The following ADAM29 variants were observed in gnomAD, a reference collection of about 807,000 sequenced individuals.
ADAM29 encodes the protein ADAM metallopeptidase domain 29, also known as disintegrin and metalloproteinase domain-containing protein 29.
For missense variants in ADAM29, 969 were observed against 1,001.8 expected, an observed-to-expected ratio of 0.97 and a Z score of 0.44; for synonymous variants, 367 against 342.3, an observed-to-expected ratio of 1.07 and a Z score of -0.80.
chr4:174,932,432 G>A (rs533965192), intron 3 of ADAM29, among the ~76,000 whole-genome samples: 4 of 152,124 alleles, frequency 2.6e-5, no homozygotes, highest in African/African-American at 9.6e-5. Flanking sequence ...AGTCTATTTG[G>A]GCTGCTATAA....
intron 4 of ADAM29, among the ~76,000 whole-genome samples, chr4:174,972,963 G>A (rs1746551961): frequency 6.6e-6 from 1 of 152,138 alleles, no homozygotes; most frequent in Non-Finnish European, 1.5e-5. Flanking sequence ...TCTAGACTGT[G>A]CCAGACCCAT....
Position 174,975,819 on chromosome 4 carries a change from T to G in ADAM29, c.294T>G (p.Asn98Lys), listed in dbSNP as rs766987618. Residue 98 changes from asparagine to lysine, a missense_variant, in exon 5 of 5, where the codon AAT becomes AAG. Coordinates refer to ENST00000359240, the MANE Select transcript of ADAM29 (RefSeq NM_014269.4). ...TTGAGGACCAGCCATTTGTCCAGAA[T>G]AACTGCTACTATCATGGTTATGTGG... Reference protein sequence around the residue: ...AILEDQPFVQNNCYYHGYVEG... With the variant: ...AILEDQPFVQKNCYYHGYVEG... 1.9e-6 allele frequency: 3 copies of G among 1,614,080 alleles called. No homozygotes were observed. The highest frequency in any genetic ancestry group is 1.3e-5 in the African/African-American group (1 of 74,946).
At chr4:174,937,091 T>A (rs1282605517) in intron 4 of ADAM29, 78 bp downstream of exon 4, 2 of 152,012 alleles carry the variant, frequency 1.3e-5, no homozygotes, top group African/African-American at 4.8e-5. Context: ...ACATTTTAAA[T>A]AGATGCCGTG....
At position 174,978,175 on chromosome 4, in the gene ADAM29, C is replaced by T; in HGVS notation, c.*187C>T. 1.0e-6 allele frequency: 1 copy of T among 957,838 alleles called. No homozygotes were observed. Among genetic ancestry groups the T allele is most frequent in the South Asian group, 1.8e-5 (1 of 54,960 alleles). The allele number at this position is 957,838 out of a possible 1,614,324, so 59.3% of individuals were successfully genotyped here. A position where few individuals can be genotyped will look rare whatever the true frequency, so the allele number is the denominator to read the frequency against. On this transcript the variant is annotated 3_prime_UTR_variant, in exon 5 of 5. Transcript: ENST00000359240. ...AAAAGGTACATTAAAAAAATAATTC[C>T]TAGTATGTTTCTACTTACTCTTCAT...
chr4:174,963,008 G>GACGTTT (rs1745934780), intron 4 of ADAM29, among the ~76,000 whole-genome samples: 1 of 152,072 alleles, frequency 6.6e-6, no homozygotes, highest in Non-Finnish European at 1.5e-5. Flanking sequence ...GACAATTAGT[G>GACGTTT]TTTTGTGCTT....
chr4:174,948,711 G>C (rs1222594345), intron 4 of ADAM29, among the ~76,000 whole-genome samples: 1 of 152,164 alleles, frequency 6.6e-6, no homozygotes, highest in South Asian at 2.1e-4. Flanking sequence ...GCATCTAGAG[G>C]GGGTAGGGTT....
Position 174,975,451 on chromosome 4 carries a change from C to T in ADAM29, c.-75C>T. On this transcript the variant is annotated 5_prime_UTR_variant, in exon 5 of 5. Coordinates refer to ENST00000359240, the MANE Select transcript of ADAM29 (RefSeq NM_014269.4). ...GGAGCCACACCACCTGTGACTCCAG[C>T]CCTGACTTCTGCTCTGGACCAGTGT... The T allele has an allele frequency of 2.8e-6, 4 of 1,421,180 alleles. No homozygotes were observed. The African/African-American group carries it at 5.7e-5, about 20-fold the overall frequency. 88.0% of individuals were successfully genotyped at this position (1,421,180 alleles called of 1,614,324 possible). A position where few individuals can be genotyped will look rare whatever the true frequency, so the allele number is the denominator to read the frequency against.
Position 174,977,499 on chromosome 4 carries a change from T to C in ADAM29, c.1974T>C (p.Tyr658=), listed in dbSNP as rs748696582. The change falls in exon 5 of 5, where the codon TAT becomes TAC. Residue 658 remains tyrosine, a synonymous_variant. Transcript: ENST00000359240. ...CTCCCAACTGCCTGATAAAAGGCTATGGAGGTAGTGTTGACAGTGGCCCAC... is the reference window on the plus strand; with the variant it reads ...CTCCCAACTGCCTGATAAAAGGCTACGGAGGTAGTGTTGACAGTGGCCCAC... ...WDPPNCLIKG[Y]GGSVDSGPPP... 18 of 1,614,114 alleles carry C rather than the reference T, an allele frequency of 1.1e-5. No homozygotes were observed. The highest frequency in any genetic ancestry group is 2.7e-5 in the African/African-American group (2 of 74,946).
chr4:174,961,259 T>C lies in ADAM29; in HGVS notation c.-180-14087T>C, dbSNP rs144877000. On this transcript the variant is annotated intron_variant, in intron 4 of 4. Coordinates refer to ENST00000359240, the MANE Select transcript of ADAM29 (RefSeq NM_014269.4). ...TTTTACATACAGTAATACATTTTAC[T>C]CTGAAGCTCATCTTATTTGATATTA... 6.6e-5 allele frequency among the ~76,000 whole-genome samples: 10 copies of C among 151,830 alleles called. No homozygotes were observed. In the East Asian group the frequency reaches 1.7e-3, roughly 26 times the overall value.
At position 174,939,984 on chromosome 4, in the gene ADAM29, C is replaced by T. The variant is rs543522488; in HGVS notation, c.-181+2971C>T. Among the ~76,000 whole-genome samples the T allele has an allele frequency of 8.2e-4, 125 of 152,110 alleles. 1 individual carries two copies. Among genetic ancestry groups the T allele is most frequent in the South Asian group, 4.1e-3 (20 of 4,824 alleles). The stretch of plus-strand genomic sequence containing the variant: ...TCCTTCCTTCCTTTCCTCCCTACCT[C>T]CCTACCTTTCTCCATCCTTTCTTTC... On this transcript the variant is annotated intron_variant, in intron 4 of 4. Transcript: ENST00000359240.
intron 2 of ADAM29, among the ~76,000 whole-genome samples, chr4:174,929,817 C>T (rs1030046908): frequency 6.6e-6 from 1 of 151,126 alleles, no homozygotes; most frequent in African/African-American, 2.4e-5. Flanking sequence ...AGTGCAGTGG[C>T]GCGATCTCAG....
intron 4 of ADAM29, among the ~76,000 whole-genome samples, chr4:174,973,727 G>T (rs1746594021): frequency 6.6e-6 from 1 of 152,106 alleles, no homozygotes; most frequent in Non-Finnish European, 1.5e-5. Flanking sequence ...AATTCTGAAG[G>T]GGTTTCAGCT....
intron 4 of ADAM29, among the ~76,000 whole-genome samples, chr4:174,973,981 C>T (rs950938743): frequency 1.3e-5 from 2 of 152,182 alleles, no homozygotes; most frequent in African/African-American, 2.4e-5. Context: ...TTCACTGATG[C>T]CTCTGAAGGC....
intron 4 of ADAM29, among the ~76,000 whole-genome samples, chr4:174,951,286 C>A (rs1021437165): frequency 1.3e-5 from 2 of 152,168 alleles, no homozygotes; most frequent in African/African-American, 2.4e-5. Flanking sequence ...TCCTACCATT[C>A]CTTGCTTCAA....
At chr4:174,939,442 A>T (rs565613315) in intron 4 of ADAM29, among the ~76,000 whole-genome samples, 1 of 152,304 alleles carries the variant, frequency 6.6e-6, no homozygotes, top group East Asian at 1.9e-4. Context: ...TGAATCATCA[A>T]ACAACTGGAT....
At chr4:174,959,702 T>G (rs1411485466) in intron 4 of ADAM29, among the ~76,000 whole-genome samples, 1 of 152,100 alleles carries the variant, frequency 6.6e-6, no homozygotes, top group Non-Finnish European at 1.5e-5. Flanking sequence ...CTCTTTGTAC[T>G]TCAATTGGTA....
At chr4:174,922,729 TA>T (rs201956882) in intron 2 of ADAM29, among the ~76,000 whole-genome samples, 1,785 of 152,046 alleles carry the variant, frequency 0.012, 31 homozygotes, top group African/African-American at 0.041. Flanking sequence ...ATTTTTATCC[TA>T]AAAAATATTT....
intron 2 of ADAM29, among the ~76,000 whole-genome samples, chr4:174,925,621 G>C (rs1445655700): frequency 6.6e-6 from 1 of 152,132 alleles, no homozygotes; most frequent in Non-Finnish European, 1.5e-5. Flanking sequence ...GACAGAATTT[G>C]TTTACATTAT....
chr4:174,944,369 C>A (rs1235666436), intron 4 of ADAM29, among the ~76,000 whole-genome samples: 1 of 152,114 alleles, frequency 6.6e-6, no homozygotes. Context: ...CTAATAAAAT[C>A]AGCACTCTGC....
Sources: allele counts gnomAD v4.1 joint callset (sites outside exome capture counted in the v4.1 genomes callset), GRCh38; gene constraint gnomAD v4.1.1; transcripts MANE v1.5; gene names NCBI Gene and HGNC (gene_info 2026-07-23, HGNC 2026-07-21).